Variants in B4GALT7 observed in about 807,000 individuals in gnomAD.
B4GALT7 encodes the protein UDP-Gal:beta-GlcNAc beta-1,4-galactosyltransferase 7.
A neutral mutation model predicts 33.0 loss-of-function variants in B4GALT7; 30 were observed. The observed-to-expected ratio is 0.91, with a 90% confidence interval of 0.68 to 1.23. The LOEUF is 1.23. Among genes scored for constraint, B4GALT7 ranks in the 50% most tolerant of loss-of-function variants. The probability of loss-of-function intolerance (pLI) is 0.00; values close to 1 mark genes in which losing one functional copy is unlikely to be tolerated. For missense variants in B4GALT7, 507 were observed against 450.8 expected, an observed-to-expected ratio of 1.12 and a Z score of -1.13; for synonymous variants, 213 against 187.2, an observed-to-expected ratio of 1.14 and a Z score of -1.13.
Position 177,604,641 on chromosome 5 carries a change from A to G in B4GALT7, c.413+100A>G, listed in dbSNP as rs1767935002. On this transcript the variant is annotated intron_variant, in intron 2 of 5. Coordinates refer to ENST00000029410, the MANE Select transcript of B4GALT7 (RefSeq NM_007255.3). ...CCTGGGGCAGGGGCAGGAGGGCGGGAGGTGGCAGACCCCTCTCACTGGGTG... is the reference window on the plus strand; with the variant it reads ...CCTGGGGCAGGGGCAGGAGGGCGGGGGGTGGCAGACCCCTCTCACTGGGTG... The G allele has an allele frequency of 8.6e-6, 13 of 1,514,476 alleles. No individual in the cohort carries two copies. The South Asian group carries it at 1.1e-4, about 13-fold the overall frequency. 93.8% of individuals were successfully genotyped at this position (1,514,476 alleles called of 1,614,324 possible).
In B4GALT7 at chr5:177,608,506, T is replaced by A. The variant is rs762622370; in HGVS notation, c.640-33T>A. 7 of 1,574,454 alleles carry A rather than the reference T, an allele frequency of 4.4e-6. No individual in the cohort carries two copies. Among genetic ancestry groups the A allele is most frequent in the African/African-American group, 2.8e-5 (2 of 71,930 alleles). On this transcript the variant is annotated intron_variant, in intron 3 of 5. Coordinates refer to ENST00000029410, the MANE Select transcript of B4GALT7 (RefSeq NM_007255.3). The surrounding 1 kb of genome is among the most constrained non-coding windows in gnomAD (Gnocchi z 4.1). ...CCAAAGGCCCCCCCCCCCGGGAAGA[T>A]GGGCCGAGTGACGCTGCTTGTCTCT...
chr5:177,602,903 G>C (rs1767881367), intron 1 of B4GALT7: 1 of 901,474 alleles, frequency 1.1e-6, no homozygotes, highest in African/African-American at 1.8e-5. Flanking sequence ...TTATTTATGA[G>C]ATGGAGTCTC....
Position 177,609,730 on chromosome 5 carries a change from G to A in B4GALT7, c.*35G>A, listed in dbSNP as rs1344641343. 3.8e-6 allele frequency: 6 copies of A among 1,568,802 alleles called. No homozygotes were observed. Among genetic ancestry groups the A allele is most frequent in the South Asian group, 3.5e-5 (3 of 86,838 alleles). On this transcript the variant is annotated 3_prime_UTR_variant, in exon 6 of 6. Coordinates refer to ENST00000029410, the MANE Select transcript of B4GALT7 (RefSeq NM_007255.3). Reference sequence around the variant, plus strand: ...ACAGTGAGGAAGCCTGTACCTACAGGCCATATTGCTCAGGCTCAGGACAAG... The same window carrying A: ...ACAGTGAGGAAGCCTGTACCTACAGACCATATTGCTCAGGCTCAGGACAAG...
chr5:177,602,010 G>C (rs1365278093), intron 1 of B4GALT7, among the ~76,000 whole-genome samples: 2 of 152,196 alleles, frequency 1.3e-5, no homozygotes, highest in Non-Finnish European at 2.9e-5. Context: ...CTGGATAATA[G>C]TCACTGCTTC....
intron 5 of B4GALT7, among the ~76,000 whole-genome samples, 188 bp downstream of exon 5, chr5:177,609,202 T>C (rs1438099810): frequency 6.6e-6 from 1 of 152,058 alleles, no homozygotes; most frequent in African/African-American, 2.4e-5. Flanking sequence ...CCCTGGGCAC[T>C]GTGGGTCAGC....
rs919381120 is a variant in B4GALT7 at position 177,608,471 on chromosome 5, C to T, written c.640-68C>T. 1.3e-4 allele frequency: 184 copies of T among 1,421,512 alleles called. No homozygotes were observed. Among genetic ancestry groups the T allele is most frequent in the Non-Finnish European group, 1.5e-4 (156 of 1,010,784 alleles). The allele number at this position is 1,421,512 out of a possible 1,614,324, so 88.1% of individuals were successfully genotyped here. The stretch of plus-strand genomic sequence containing the variant: ...GCTGGGGGAGAGGGGCACTCCCGAG[C>T]GGTAGGAGACCAAAGGCCCCCCCCC... On this transcript the variant is annotated intron_variant, in intron 3 of 5. Transcript: ENST00000029410. This position sits in a 1 kb window ranked among gnomAD's most constrained non-coding sequence, Gnocchi z 4.1.
rs950760656 is a variant in B4GALT7, at chr5:177,609,940, AC to A, written c.*252del. On this transcript the variant is annotated 3_prime_UTR_variant, in exon 6 of 6. Transcript: ENST00000029410. ...GAGGCTGGGGTGTGTCCTGTCCGGGACCCCCCCTGCCTTCCTGCTCACCCTA... is the reference window on the plus strand; with the variant it reads ...GAGGCTGGGGTGTGTCCTGTCCGGGACCCCCCTGCCTTCCTGCTCACCCTA... 28 of 565,682 alleles carry A rather than the reference AC, an allele frequency of 4.9e-5. No homozygotes were observed. Among genetic ancestry groups the A allele is most frequent in the East Asian group, 9.1e-5 (3 of 32,924 alleles). The allele number at this position is 565,682 out of a possible 1,614,324, so 35.0% of individuals were successfully genotyped here.
At position 177,609,847 on chromosome 5, in the gene B4GALT7, C is replaced by T. The variant is rs1280280747; in HGVS notation, c.*152C>T. On this transcript the variant is annotated 3_prime_UTR_variant, in exon 6 of 6. Coordinates refer to ENST00000029410, the MANE Select transcript of B4GALT7 (RefSeq NM_007255.3). Reference sequence around the variant, plus strand: ...AATTGCAGCCACCCGGCCGCCAAGGCAGGCTTGGGCTGGGCCAGGACACGT... The same window carrying T: ...AATTGCAGCCACCCGGCCGCCAAGGTAGGCTTGGGCTGGGCCAGGACACGT... 9 of 1,061,412 alleles carry T rather than the reference C, an allele frequency of 8.5e-6. No homozygotes were observed. The highest frequency in any genetic ancestry group is 1.2e-5 in the Non-Finnish European group (9 of 729,690). The allele number at this position is 1,061,412 out of a possible 1,614,324, so 65.7% of individuals were successfully genotyped here. A position where few individuals can be genotyped will look rare whatever the true frequency, so the allele number is the denominator to read the frequency against.
At chr5:177,601,383 A>G (rs1197799397) in intron 1 of B4GALT7, 2 of 152,236 alleles carry the variant, frequency 1.3e-5, no homozygotes, top group African/African-American at 4.8e-5. Flanking sequence ...GGCACTGCCT[A>G]GCACAACAGG....
chr5:177,603,643 C>T (rs1390828108), intron 1 of B4GALT7, among the ~76,000 whole-genome samples: 3 of 152,100 alleles, frequency 2.0e-5, no homozygotes, highest in Non-Finnish European at 4.4e-5. Flanking sequence ...GGTCATTTTA[C>T]CTGGACTAAT....
chr5:177,603,458 A>G, intron 1 of B4GALT7: 1 of 726,748 alleles, frequency 1.4e-6, no homozygotes. Flanking sequence ...CAGTTTCTGA[A>G]ATCAGTGCCT....
At position 177,607,477 on chromosome 5, in the gene B4GALT7, A is replaced by G. The variant is rs200732558; in HGVS notation, c.589A>G (p.Lys197Glu). 120 of 1,613,594 alleles carry G rather than the reference A, an allele frequency of 7.4e-5. No individual in the cohort carries two copies. In the East Asian group the frequency reaches 2.5e-3, roughly 33 times the overall value. ...SPELHPLYHY[K>E]TYVGGILLLS... ...GGAGCTCCACCCTCTCTACCACTAC[A>G]AGACCTATGTCGGCGGCATCCTGCT... Residue 197 changes from lysine (K) to glutamate (E), a missense_variant, in exon 3 of 6, where the codon AAG (lysine) becomes GAG (glutamate). Lys to Glu is a moderately conservative substitution (Grantham distance 56). Transcript: ENST00000029410.
intron 1 of B4GALT7, chr5:177,601,281 AC>A (rs1767836399): frequency 6.6e-6 from 1 of 152,186 alleles, no homozygotes; most frequent in African/African-American, 2.4e-5. Context: ...CATCTGTCCG[AC>A]CGCAGCCTTT....
intron 1 of B4GALT7, among the ~76,000 whole-genome samples, chr5:177,602,212 G>C (rs1767866651): frequency 6.6e-6 from 1 of 152,130 alleles, no homozygotes; most frequent in African/African-American, 2.4e-5. Flanking sequence ...GAAGCCCTGG[G>C]GGGTTTCCTA....
intron 3 of B4GALT7, 80 bp downstream of exon 3, chr5:177,607,607 C>A: frequency 7.3e-7 from 1 of 1,379,098 alleles, no homozygotes; most frequent in South Asian, 1.2e-5. Context: ...GGGGCAGTGC[C>A]TCTGGGGCCC....
At position 177,604,556 on chromosome 5, in the gene B4GALT7, C is replaced by G. The variant is rs757790046; in HGVS notation, c.413+15C>G. 1 of 1,613,386 alleles carries G rather than the reference C, an allele frequency of 6.2e-7. No homozygotes were observed. Among genetic ancestry groups the G allele is most frequent in the Non-Finnish European group, 8.5e-7 (1 of 1,179,912 alleles). ...GACCACTTCAGGTAGCGCCCGCCCC[C>G]ACCCTCTCCCCTCGGCACCCCTGCC... On this transcript the variant is annotated intron_variant, in intron 2 of 5. Coordinates refer to ENST00000029410, the MANE Select transcript of B4GALT7 (RefSeq NM_007255.3).
In B4GALT7 at chr5:177,608,626, A is replaced by T; in HGVS notation, c.723+4A>T. On this transcript the variant is annotated splice_donor_region_variant and intron_variant, in intron 4 of 5. Transcript: ENST00000029410. This position sits in a 1 kb window ranked among gnomAD's most constrained non-coding sequence, Gnocchi z 4.1. ...CATTAAGGGAGCTGGGCTCCAGGTG[A>T]GATTCCCCGGGCCCCGCCGCCACCT... is the stretch of plus-strand genomic sequence containing the variant. The T allele has an allele frequency of 6.2e-7, 1 of 1,613,034 alleles. No individual in the cohort carries two copies. Among genetic ancestry groups the T allele is most frequent in the Non-Finnish European group, 8.5e-7 (1 of 1,179,794 alleles).
At chr5:177,601,545 C>T (rs556480689) in intron 1 of B4GALT7, 1 of 152,360 alleles carries the variant, frequency 6.6e-6, no homozygotes, top group South Asian at 2.1e-4. Context: ...TTTTCCATAG[C>T]TGTTTCCAGA....
intron 2 of B4GALT7, 65 bp from the exon 3 acceptor site, chr5:177,607,237 G>A (rs764302023): frequency 1.4e-6 from 2 of 1,434,248 alleles, no homozygotes; most frequent in East Asian, 2.5e-5. Context: ...ACCCCCGGGT[G>A]GGTGCTGAGC....
Sources: allele counts gnomAD v4.1 joint callset (sites outside exome capture counted in the v4.1 genomes callset), GRCh38; gene constraint gnomAD v4.1.1; non-coding constraint Gnocchi (gnomAD v3.1); transcripts MANE v1.5; gene names NCBI Gene and HGNC (gene_info 2026-07-23, HGNC 2026-07-21).